GPC6: variants seen among roughly 807,000 people sequenced by gnomAD.
GPC6 encodes glypican-6.
A neutral mutation model predicts 55.2 loss-of-function variants in GPC6; 14 were observed. That is an observed-to-expected ratio of 0.25 (90% confidence interval 0.17 to 0.40). The LOEUF (loss-of-function observed/expected upper bound fraction) is 0.40. Among genes scored for constraint, GPC6 ranks in the 10% least tolerant of loss-of-function variants. The pLI is 1.00. For missense variants in GPC6, 641 were observed against 708.5 expected (o/e 0.90, Z 1.08); for synonymous variants, 278 against 259.6 (o/e 1.07, Z -0.68).
At chr13:94,188,188 G>A (rs1203048201) in intron 4 of GPC6, among the ~76,000 whole-genome samples, 2 of 152,176 alleles carry the variant, frequency 1.3e-5, no homozygotes, top group Non-Finnish European at 2.9e-5. Context: ...AGGAGTGTGT[G>A]CACTAAGGTG....
At chr13:94,342,235 A>G (rs181336603) in intron 6 of GPC6, among the ~76,000 whole-genome samples, 1 of 152,348 alleles carries the variant, frequency 6.6e-6, no homozygotes, top group East Asian at 1.9e-4. Context: ...TGCGTCCCCC[A>G]AAAAGATATG....
chr13:94,287,098 T>G (rs1344872899), intron 5 of GPC6, among the ~76,000 whole-genome samples: 3 of 152,178 alleles, frequency 2.0e-5, no homozygotes, highest in Admixed American at 2.0e-4. Context: ...AATTTTTATT[T>G]GTCTCCACCC....
intron 2 of GPC6, among the ~76,000 whole-genome samples, chr13:93,647,360 A>G (rs1253227244): frequency 6.6e-6 from 1 of 152,168 alleles, no homozygotes. Context: ...AGTCTTGGAT[A>G]TGTCTTCACT....
At chr13:94,325,203 A>G (rs1021874472) in intron 6 of GPC6, among the ~76,000 whole-genome samples, 1 of 152,030 alleles carries the variant, frequency 6.6e-6, no homozygotes, top group Admixed American at 6.5e-5. Flanking sequence ...AAGAAGAAAG[A>G]TATGTTCCTT....
At chr13:94,105,545 A>G (rs1054890808) in intron 4 of GPC6, among the ~76,000 whole-genome samples, 3 of 152,206 alleles carry the variant, frequency 2.0e-5, no homozygotes, top group Non-Finnish European at 2.9e-5. Context: ...TTTTTGTGTT[A>G]TCAGCATAGA....
chr13:94,284,166 A>G (rs1594130687), intron 4 of GPC6, among the ~76,000 whole-genome samples: 1 of 152,170 alleles, frequency 6.6e-6, no homozygotes, highest in Non-Finnish European at 1.5e-5. Context: ...TCAGTGGGCC[A>G]TGCAGACCCT....
At chr13:94,031,908 A>G (rs570597720) in intron 4 of GPC6, among the ~76,000 whole-genome samples, 1 of 151,776 alleles carries the variant, frequency 6.6e-6, no homozygotes, top group East Asian at 2.0e-4. Flanking sequence ...TAAATCTTAC[A>G]TCTACTTTAA....
chr13:93,928,863 A>ACACC (rs1878001903), intron 3 of GPC6, among the ~76,000 whole-genome samples: 1 of 140,446 alleles, frequency 7.1e-6, no homozygotes, highest in Non-Finnish European at 1.6e-5. Context: ...TGTTACACAC[A>ACACC]CACACACACA....
chr13:94,352,769 G>T lies in GPC6; in HGVS notation c.1153-29645G>T, dbSNP rs190534841. On this transcript the variant is annotated intron_variant, in intron 6 of 8. Transcript: ENST00000377047. The stretch of plus-strand genomic sequence containing the variant: ...TTGCCCAAGTTGACTTGTGCTGTCA[G>T]TTTCATTCTAAGACCCAACTGATCT... 2.6e-5 allele frequency among the ~76,000 whole-genome samples: 4 copies of T among 152,300 alleles called. No homozygotes were observed. The East Asian group carries it at 7.7e-4, about 29-fold the overall frequency.
chr13:93,471,916 T>C (rs1879136581), intron 1 of GPC6, among the ~76,000 whole-genome samples: 1 of 152,218 alleles, frequency 6.6e-6, no homozygotes. Context: ...TTTTCAGTGC[T>C]TCTCCGTTCT....
At chr13:93,608,109 A>G (rs575245798) in intron 2 of GPC6, among the ~76,000 whole-genome samples, 1 of 152,216 alleles carries the variant, frequency 6.6e-6, no homozygotes, top group South Asian at 2.1e-4. Context: ...CTGATTCCCA[A>G]TACTGTAGCC....
At chr13:93,872,190 T>C (rs1226314196) in intron 3 of GPC6, among the ~76,000 whole-genome samples, 1 of 151,934 alleles carries the variant, frequency 6.6e-6, no homozygotes, top group Admixed American at 6.6e-5. Context: ...TGAAGATGTT[T>C]TGAGGTATGT....
At chr13:93,693,811 T>A (rs2138784462) in intron 2 of GPC6, among the ~76,000 whole-genome samples, 1 of 152,216 alleles carries the variant, frequency 6.6e-6, no homozygotes, top group East Asian at 1.9e-4. Flanking sequence ...TGAAAGAACA[T>A]TTTTCTTTAT....
At chr13:93,423,101 C>T (rs866571332) in intron 1 of GPC6, among the ~76,000 whole-genome samples, 1 of 152,156 alleles carries the variant, frequency 6.6e-6, no homozygotes, top group Non-Finnish European at 1.5e-5. Context: ...AATTACTTAA[C>T]CTCTTTCAGA....
At chr13:93,747,599 A>G (rs1036317644) in intron 2 of GPC6, among the ~76,000 whole-genome samples, 1 of 152,186 alleles carries the variant, frequency 6.6e-6, no homozygotes, top group African/African-American at 2.4e-5. Context: ...GACTACCCAT[A>G]CAACCATTCT....
rs114201254 is a variant in GPC6 at position 93,418,070 on chromosome 13, A to C, written c.161-127193A>C. Among the ~76,000 whole-genome samples the C allele has an allele frequency of 4.2e-3, 643 of 152,122 alleles. 6 individuals carry two copies. The highest frequency in any genetic ancestry group is 0.015 in the African/African-American group (604 of 41,546). On this transcript the variant is annotated intron_variant, in intron 1 of 8. Coordinates refer to ENST00000377047, the MANE Select transcript of GPC6 (RefSeq NM_005708.5). The stretch of plus-strand genomic sequence containing the variant: ...ATACAAACAATTCAAAATATGTCTC[A>C]ATCTCAGAGGATGTCCAACTTCTAT...
rs148297558 is a variant in GPC6, at chr13:93,432,061, A to C, written c.161-113202A>C. On this transcript the variant is annotated intron_variant, in intron 1 of 8. Coordinates refer to ENST00000377047, the MANE Select transcript of GPC6 (RefSeq NM_005708.5). ...CATACGTCACCAGATGTCACTATCA[A>C]TTGCAGCATCCTTTGGTGGGATACA... 2.4e-3 allele frequency among the ~76,000 whole-genome samples: 369 copies of C among 152,270 alleles called. 4 individuals are homozygous for C. Among genetic ancestry groups the C allele is most frequent in the African/African-American group, 8.3e-3 (347 of 41,562 alleles).
intron 1 of GPC6, among the ~76,000 whole-genome samples, chr13:93,324,589 T>TATATATATACACACACATACATAC (rs1566299599): frequency 9.9e-6 from 1 of 101,340 alleles, no homozygotes; most frequent in African/African-American, 5.0e-5. Context: ...CATACATACA[T>TATATATATACACACACATACATAC]ATATATATAT....
In GPC6 at chr13:93,992,029, A is replaced by C. The variant is rs545030702; in HGVS notation, c.712-35700A>C. ...TACATCATATTTATATAGTTTATAT[A>C]GACATCTTTATGGTATATTTACACA... On this transcript the variant is annotated intron_variant, in intron 3 of 8. Transcript: ENST00000377047. Among the ~76,000 whole-genome samples the C allele has an allele frequency of 2.0e-5, 3 of 151,944 alleles. No homozygotes were observed. In the East Asian group the frequency reaches 5.8e-4, roughly 29 times the overall value.
Sources: gnomAD v4.1 joint callset for allele counts (sites outside exome capture counted in the v4.1 genomes callset) on GRCh38, gnomAD v4.1.1 for gene constraint, MANE v1.5 for transcripts, NCBI Gene and HGNC (gene_info 2026-07-23, HGNC 2026-07-21) for gene names.